FAR2: variants seen among roughly 807,000 people sequenced by gnomAD.
The protein encoded by FAR2 is fatty acyl-CoA reductase 2.
Under a neutral mutation model 56.0 loss-of-function variants are expected in FAR2, and 19 were observed. The ratio of observed to expected loss-of-function variants is 0.34; its 90% confidence interval spans 0.24 to 0.50. The LOEUF is 0.50. Ranked by LOEUF, FAR2 falls within the 20% of genes least tolerant of loss-of-function variation. The pLI is 0.98. For synonymous variants in FAR2, 219 were observed against 218.8 expected (o/e 1.00, Z -0.01); for missense variants, 508 against 642.2 (o/e 0.79, Z 2.26).
rs542082048 is a variant in FAR2 at position 29,311,234 on chromosome 12, G to A, written c.887+88G>A. The stretch of plus-strand genomic sequence containing the variant: ...ATTTTCCAAATATAGGCATTTCATT[G>A]TACAAGACCCCAAATGTGTGAAAGT... On this transcript the variant is annotated intron_variant, in intron 7 of 11. Coordinates refer to ENST00000536681, the MANE Select transcript of FAR2 (RefSeq NM_001271783.2). 2.9e-4 allele frequency: 255 copies of A among 865,936 alleles called. 2 individuals are homozygous for A. The African/African-American group carries it at 3.7e-3, about 13-fold the overall frequency. 53.6% of individuals were successfully genotyped at this position (865,936 alleles called of 1,614,324 possible).
intron 2 of FAR2, among the ~76,000 whole-genome samples, chr12:29,275,551 A>G (rs1342435879): frequency 6.6e-6 from 1 of 152,156 alleles, no homozygotes; most frequent in Admixed American, 6.5e-5. Flanking sequence ...GACTTCCACA[A>G]TGGTTGAACT....
chr12:29,229,070 G>A (rs1461967460), intron 1 of FAR2, among the ~76,000 whole-genome samples: 1 of 152,204 alleles, frequency 6.6e-6, no homozygotes, highest in Non-Finnish European at 1.5e-5. Context: ...ATGCAAGAAA[G>A]AGTGTATTCT....
At chr12:29,284,839 G>GTTTGTTTA (rs1555118949) in intron 2 of FAR2, among the ~76,000 whole-genome samples, 1 of 151,950 alleles carries the variant, frequency 6.6e-6, no homozygotes, top group Non-Finnish European at 1.5e-5. Flanking sequence ...TGTTTTGTTT[G>GTTTGTTTA]TTTGTTTGTT....
intron 4 of FAR2, among the ~76,000 whole-genome samples, chr12:29,297,939 C>T (rs1949097615): frequency 6.7e-6 from 1 of 149,764 alleles, no homozygotes. Context: ...TCACTTGAAC[C>T]TGGGGAGAAT....
At chr12:29,176,505 G>C (rs1286106862) in intron 1 of FAR2, among the ~76,000 whole-genome samples, 1 of 152,044 alleles carries the variant, frequency 6.6e-6, no homozygotes, top group Non-Finnish European at 1.5e-5. Context: ...GAAAAGGAAA[G>C]CTCATTTTTA....
chr12:29,303,645 A>G (rs1467929289), intron 4 of FAR2, among the ~76,000 whole-genome samples: 3 of 152,202 alleles, frequency 2.0e-5, no homozygotes, highest in African/African-American at 7.2e-5. Flanking sequence ...AAAGGAGGTC[A>G]GATGTTAGAA....
chr12:29,321,299 C>A lies in FAR2; in HGVS notation c.1128-496C>A, dbSNP rs541727138. ...CCAACACTTTGGGAGGCCAAGGCAGCTGGCTCCCTTGAGCCCAGGAGTTCA... is the reference window on the plus strand; with the variant it reads ...CCAACACTTTGGGAGGCCAAGGCAGATGGCTCCCTTGAGCCCAGGAGTTCA... On this transcript the variant is annotated intron_variant, in intron 9 of 11. Transcript: ENST00000536681. Among the ~76,000 whole-genome samples, 5 of 152,242 alleles carry A rather than the reference C, an allele frequency of 3.3e-5. No homozygotes were observed. In the East Asian group the frequency reaches 7.7e-4, roughly 24 times the overall value.
At position 29,227,488 on chromosome 12, in the gene FAR2, GGAA is replaced by G. The variant is rs555841752; in HGVS notation, c.-38-42919_-38-42917del. On this transcript the variant is annotated intron_variant, in intron 1 of 11. Coordinates refer to ENST00000536681, the MANE Select transcript of FAR2 (RefSeq NM_001271783.2). ...AATGAATGGGTGATTTCAGTTATGA[GGAA>G]GAAGTAGGTCCTTTTTCTTTCATAA... Among the ~76,000 whole-genome samples, 90 of 152,164 alleles carry G rather than the reference GGAA, an allele frequency of 5.9e-4. No individual in the cohort carries two copies. The South Asian group carries it at 0.011, about 19-fold the overall frequency.
chr12:29,248,486 A>T (rs1198462416), intron 1 of FAR2, among the ~76,000 whole-genome samples: 1 of 152,216 alleles, frequency 6.6e-6, no homozygotes, highest in Non-Finnish European at 1.5e-5. Flanking sequence ...GGTCACAGAC[A>T]TCAAGTACTT....
intron 1 of FAR2, among the ~76,000 whole-genome samples, chr12:29,260,445 T>C (rs1948397732): frequency 6.6e-6 from 1 of 152,208 alleles, no homozygotes; most frequent in South Asian, 2.1e-4. Context: ...TTATGTTTTG[T>C]TTTCCTGTCA....
intron 2 of FAR2, among the ~76,000 whole-genome samples, chr12:29,275,442 C>T (rs4992973): frequency 0.13 from 20,267 of 152,006 alleles, 2,662 homozygotes; most frequent in African/African-American, 0.34. Context: ...ATATGATGGC[C>T]TAGCTTGGGG....
rs1948329211 is a variant in FAR2 at position 29,256,998 on chromosome 12, C to T, written c.-38-13414C>T. Among the ~76,000 whole-genome samples, 3 of 152,230 alleles carry T rather than the reference C, an allele frequency of 2.0e-5. No individual in the cohort carries two copies. The South Asian group carries it at 6.2e-4, about 31-fold the overall frequency. ...CCCCCTGCTCCAGGGCACCCAGTCC[C>T]ATCGACCACCCAAGGACTGAGGAGT... On this transcript the variant is annotated intron_variant, in intron 1 of 11. Transcript: ENST00000536681.
chr12:29,321,566 C>T (rs1012472273), intron 9 of FAR2, among the ~76,000 whole-genome samples: 1 of 152,104 alleles, frequency 6.6e-6, no homozygotes, highest in African/African-American at 2.4e-5. Context: ...GAAAAGGAGT[C>T]TGGTATTAAA....
At position 29,228,396 on chromosome 12, in the gene FAR2, T is replaced by G. The variant is rs572019726; in HGVS notation, c.-38-42016T>G. 3.3e-5 allele frequency among the ~76,000 whole-genome samples: 5 copies of G among 152,334 alleles called. No homozygotes were observed. The South Asian group carries it at 1.0e-3, about 32-fold the overall frequency. On this transcript the variant is annotated intron_variant, in intron 1 of 11. Coordinates refer to ENST00000536681, the MANE Select transcript of FAR2 (RefSeq NM_001271783.2). ...ATTAAAGTCACTTTAAAGATTTAAA[T>G]TTTAAACAAGTTATTATTTTAAAGT...
intron 1 of FAR2, among the ~76,000 whole-genome samples, chr12:29,230,665 A>T (rs529238735): frequency 1.3e-5 from 2 of 152,162 alleles, no homozygotes; most frequent in Admixed American, 1.3e-4. Flanking sequence ...GTGAGATGTG[A>T]TCAGAGATGT....
intron 1 of FAR2, among the ~76,000 whole-genome samples, chr12:29,226,067 A>G (rs1947764279): frequency 6.6e-6 from 1 of 152,206 alleles, no homozygotes; most frequent in Admixed American, 6.5e-5. Flanking sequence ...GAGCATTTTT[A>G]TATGTTACCT....
At chr12:29,221,490 A>G (rs989206964) in intron 1 of FAR2, among the ~76,000 whole-genome samples, 2 of 152,222 alleles carry the variant, frequency 1.3e-5, no homozygotes, top group African/African-American at 4.8e-5. Flanking sequence ...TTTCAATTGG[A>G]AAATGCAAAT....
intron 3 of FAR2, 41 bp downstream of exon 3, chr12:29,293,516 G>T (rs375412803): frequency 2.6e-5 from 35 of 1,325,940 alleles, no homozygotes; most frequent in Middle Eastern, 4.0e-4. Context: ...ATACATATGT[G>T]TGCATGTAAA....
chr12:29,234,199 C>T (rs1203059146), intron 1 of FAR2, among the ~76,000 whole-genome samples: 1 of 152,116 alleles, frequency 6.6e-6, no homozygotes, highest in Non-Finnish European at 1.5e-5. Flanking sequence ...CTAGAATTTC[C>T]AACCCAAGCT....
Sources: allele counts gnomAD v4.1 joint callset (sites outside exome capture counted in the v4.1 genomes callset), GRCh38; gene constraint gnomAD v4.1.1; transcripts MANE v1.5; gene names NCBI Gene and HGNC (gene_info 2026-07-23, HGNC 2026-07-21).